The following PAPOLG variants were observed in gnomAD, a reference collection of about 807,000 sequenced individuals.
The protein encoded by PAPOLG is poly(A) polymerase gamma, also known as PAP-gamma.
A neutral mutation model predicts 99.0 loss-of-function variants in PAPOLG; 40 were observed. The ratio of observed to expected loss-of-function variants is 0.40; its 90% CI spans 0.31 to 0.53. The LOEUF is 0.53. Ranked by LOEUF, PAPOLG falls within the 20% of genes least tolerant of loss-of-function variation. The probability of loss-of-function intolerance (pLI) is 0.41; values close to 1 mark genes in which losing one functional copy is unlikely to be tolerated. For synonymous variants in PAPOLG, 310 were observed against 299.3 expected (o/e 1.04, Z -0.37); for missense variants, 675 against 884.1 (o/e 0.76, Z 3.00).
At chr2:60,796,387 C>T (rs1671701642) in intron 21 of PAPOLG, among the ~76,000 whole-genome samples, 1 of 151,966 alleles carries the variant, frequency 6.6e-6, no homozygotes. Flanking sequence ...GATTCGCCCG[C>T]CTTGGCCTCC....
chr2:60,786,914 C>A, intron 13 of PAPOLG, 33 bp from the exon 14 acceptor site: 1 of 1,590,444 alleles, frequency 6.3e-7, no homozygotes, highest in Non-Finnish European at 8.5e-7. Context: ...TTAAAGTGGA[C>A]ATAAGATAAA....
At chr2:60,796,874 A>T (rs1349030860) in intron 21 of PAPOLG, among the ~76,000 whole-genome samples, 188 bp from the exon 22 acceptor site, 2 of 152,146 alleles carry the variant, frequency 1.3e-5, no homozygotes, top group Non-Finnish European at 2.9e-5. Flanking sequence ...CTGTAAAAAG[A>T]AGTAGCAGTT....
At chr2:60,774,368 CTT>C (rs765904108) in intron 7 of PAPOLG, among the ~76,000 whole-genome samples, 28 of 112,452 alleles carry the variant, frequency 2.5e-4, no homozygotes, top group Non-Finnish European at 2.1e-4. Flanking sequence ...GAACTAATGT[CTT>C]TTTTTTTTTT....
chr2:60,792,351 G>T, intron 17 of PAPOLG, 62 bp downstream of exon 17: 2 of 1,441,206 alleles, frequency 1.4e-6, no homozygotes, highest in Non-Finnish European at 9.5e-7. Context: ...AGGATAATGT[G>T]AACTTTTCTA....
At chr2:60,787,389 A>G in intron 14 of PAPOLG, 122 bp from the exon 15 acceptor site, 1 of 1,260,748 alleles carries the variant, frequency 7.9e-7, no homozygotes. Flanking sequence ...ATCTGGCCAG[A>G]CCACTGAAAT....
At position 60,797,202 on chromosome 2, in the gene PAPOLG, T is replaced by C; in HGVS notation, c.*42T>C. On this transcript the variant is annotated 3_prime_UTR_variant, in exon 22 of 22. Transcript: ENST00000238714. ...CTTAAGTGAACAAGCAATCATTTAG[T>C]GGCATAGATGCAGCCACTTGTTTTT... is the stretch of plus-strand genomic sequence containing the variant. 2 of 1,604,828 alleles carry C rather than the reference T, an allele frequency of 1.2e-6. No individual in the cohort carries two copies. The highest frequency in any genetic ancestry group is 4.5e-5 in the East Asian group (2 of 44,812).
chr2:60,783,856 A>C (rs1267036940), intron 13 of PAPOLG, among the ~76,000 whole-genome samples: 1 of 152,256 alleles, frequency 6.6e-6, no homozygotes, highest in Non-Finnish European at 1.5e-5. Context: ...CAGGAGGGAC[A>C]TGAGCAAAAG....
chr2:60,759,939 A>G (rs1670473784), intron 1 of PAPOLG, among the ~76,000 whole-genome samples, 195 bp from the exon 2 acceptor site: 1 of 152,232 alleles, frequency 6.6e-6, no homozygotes, highest in Admixed American at 6.5e-5. Flanking sequence ...AGCTGCAGGC[A>G]GTATGAATAG....
At chr2:60,786,860 G>A (rs1335274089) in intron 13 of PAPOLG, 87 bp from the exon 14 acceptor site, 36 of 1,474,020 alleles carry the variant, frequency 2.4e-5, no homozygotes, top group Middle Eastern at 2.0e-4. Flanking sequence ...GTAAAGCTTC[G>A]TAGTTAATAT....
At chr2:60,780,601 C>A in intron 9 of PAPOLG, 106 bp from the exon 10 acceptor site, 2 of 1,198,972 alleles carry the variant, frequency 1.7e-6, no homozygotes, top group Non-Finnish European at 2.4e-6. Context: ...ACCAAATACC[C>A]AGAACATTCA....
rs1394059610 is a variant in PAPOLG at position 60,794,948 on chromosome 2, A to G, written c.2056-16A>G. ...GGAAAGTTAGTTTTCACTTGTGTTG[A>G]TTCTTCTGTTTTTAGGATGCCATTG... is the stretch of plus-strand genomic sequence containing the variant. On this transcript the variant is annotated splice_polypyrimidine_tract_variant and intron_variant, in intron 20 of 21. Coordinates refer to ENST00000238714, the MANE Select transcript of PAPOLG (RefSeq NM_022894.4). The G allele has an allele frequency of 1.2e-6, 2 of 1,611,174 alleles. No individual in the cohort carries two copies. The highest frequency in any genetic ancestry group is 1.1e-5 in the South Asian group (1 of 90,790).
chr2:60,759,141 G>A (rs1242368782), intron 1 of PAPOLG, among the ~76,000 whole-genome samples: 1 of 152,206 alleles, frequency 6.6e-6, no homozygotes, highest in African/African-American at 2.4e-5. Flanking sequence ...GGCCGAGACT[G>A]TTGGATCACC....
intron 18 of PAPOLG, 86 bp from the exon 19 acceptor site, chr2:60,793,885 T>C: frequency 4.8e-6 from 7 of 1,460,290 alleles, no homozygotes; most frequent in Middle Eastern, 2.1e-4. Flanking sequence ...CACTGCAGCC[T>C]GGGTGATGGG....
chr2:60,790,389 G>A (rs1490158743), intron 15 of PAPOLG, among the ~76,000 whole-genome samples: 2 of 152,152 alleles, frequency 1.3e-5, no homozygotes, highest in African/African-American at 4.8e-5. Context: ...CACAGTACTT[G>A]CTGTGTAAAA....
At chr2:60,785,492 A>G (rs549501493) in intron 13 of PAPOLG, among the ~76,000 whole-genome samples, 1 of 152,110 alleles carries the variant, frequency 6.6e-6, no homozygotes, top group Non-Finnish European at 1.5e-5. Flanking sequence ...TTATGTGCCA[A>G]TATTAGTTTC....
intron 8 of PAPOLG, among the ~76,000 whole-genome samples, chr2:60,778,435 C>T (rs1426216705): frequency 6.6e-6 from 1 of 151,990 alleles, no homozygotes; most frequent in African/African-American, 2.4e-5. Flanking sequence ...GCCTTGGCCT[C>T]CAAAAGTGGT....
At chr2:60,768,429 A>G in intron 3 of PAPOLG, 41 bp from the exon 4 acceptor site, 5 of 1,602,690 alleles carry the variant, frequency 3.1e-6, no homozygotes, top group Non-Finnish European at 4.3e-6. Flanking sequence ...TATGCTAAAT[A>G]ATTTGAATAA....
Position 60,801,754 on chromosome 2 carries a change from A to G in PAPOLG, c.*4594A>G, listed in dbSNP as rs961051407. 1 of 152,204 alleles carries G rather than the reference A, an allele frequency of 6.6e-6. No homozygotes were observed. Among genetic ancestry groups the G allele is most frequent in the East Asian group, 1.9e-4 (1 of 5,204 alleles). The allele number at this position is 152,204 out of a possible 1,614,324, so 9.4% of individuals were successfully genotyped here. ...GTGCCCAGCCCCTATTTTTTCTGAA[A>G]TAATTTTTCGGATATACTTTTATAT... On this transcript the variant is annotated 3_prime_UTR_variant, in exon 22 of 22. Transcript: ENST00000238714.
chr2:60,778,312 A>AATTTTATTTTATTTTATTTT (rs70959864), intron 8 of PAPOLG, among the ~76,000 whole-genome samples: 1 of 147,840 alleles, frequency 6.8e-6, no homozygotes, highest in African/African-American at 2.5e-5. Flanking sequence ...ACACCCGGCT[A>AATTTTATTTTATTTTATTTT]ATTTTATTTT....
Sources: allele counts gnomAD v4.1 joint callset (sites outside exome capture counted in the v4.1 genomes callset), GRCh38; gene constraint gnomAD v4.1.1; transcripts MANE v1.5; gene names NCBI Gene and HGNC (gene_info 2026-07-23, HGNC 2026-07-21).